Variants in PHACTR3 observed in about 807,000 individuals in gnomAD.
The protein encoded by PHACTR3 is protein phosphatase 1, regulatory subunit 123.
PHACTR3 carries 16 observed loss-of-function variants against 66.8 expected under a neutral mutation model. The ratio of observed to expected loss-of-function variants is 0.24; its 90% CI spans 0.16 to 0.36. PHACTR3 has a LOEUF of 0.36. Ranked by LOEUF, PHACTR3 falls within the 10% of genes least tolerant of loss-of-function variation. The pLI, the probability that PHACTR3 is intolerant of heterozygous loss-of-function variation, is 1.00. For missense variants in PHACTR3, 647 were observed against 719.9 expected (o/e 0.90, Z 1.16); for synonymous variants, 323 against 292.1 (o/e 1.11, Z -1.08).
At chr20:59,722,633 G>T (rs923706153) in intron 1 of PHACTR3, among the ~76,000 whole-genome samples, 4 of 152,128 alleles carry the variant, frequency 2.6e-5, no homozygotes, top group Admixed American at 6.5e-5. Flanking sequence ...CTTCCATAAG[G>T]TCAGTGGACC....
At chr20:59,633,907 C>T (rs1362616663) in intron 1 of PHACTR3, among the ~76,000 whole-genome samples, 1 of 152,178 alleles carries the variant, frequency 6.6e-6, no homozygotes, top group Non-Finnish European at 1.5e-5. Flanking sequence ...GACTTTGTAA[C>T]AGATTAACTA....
At chr20:59,689,686 A>G (rs1308660498) in intron 1 of PHACTR3, among the ~76,000 whole-genome samples, 1 of 152,194 alleles carries the variant, frequency 6.6e-6, no homozygotes, top group East Asian at 1.9e-4. Context: ...CAGGGATCCC[A>G]AAGTGGTAAT....
intron 1 of PHACTR3, chr20:59,628,809 C>G: frequency 1.0e-6 from 1 of 985,284 alleles, no homozygotes; most frequent in Non-Finnish European, 1.2e-6. Context: ...CTGGGAAGAG[C>G]CACGGAGGTT....
At chr20:59,698,030 G>A (rs1387158292) in intron 1 of PHACTR3, among the ~76,000 whole-genome samples, 1 of 152,138 alleles carries the variant, frequency 6.6e-6, no homozygotes, top group East Asian at 1.9e-4. Flanking sequence ...AGGAGGCTTG[G>A]ACCAGGATGT....
intron 1 of PHACTR3, among the ~76,000 whole-genome samples, chr20:59,580,067 C>G (rs1472142960): frequency 6.6e-6 from 1 of 152,078 alleles, no homozygotes; most frequent in Non-Finnish European, 1.5e-5. Context: ...GGTGGTTGTT[C>G]TGGAGGCTCC....
chr20:59,822,895 A>T (rs1274124060), intron 8 of PHACTR3, among the ~76,000 whole-genome samples: 3 of 152,102 alleles, frequency 2.0e-5, no homozygotes, highest in Non-Finnish European at 4.4e-5. Context: ...AGCCACAGGG[A>T]GGAGTGCATG....
At position 59,836,441 on chromosome 20, in the gene PHACTR3, A is replaced by AC. The variant is rs771912387; in HGVS notation, c.1329-60dup. 3.6e-5 allele frequency: 55 copies of AC among 1,523,320 alleles called. 1 individual carries two copies. The highest frequency in any genetic ancestry group is 4.7e-5 in the Non-Finnish European group (53 of 1,120,094). 94.4% of individuals were successfully genotyped at this position (1,523,320 alleles called of 1,614,324 possible). ...TGCCAGCCACCTCTCATCCTTGCAG[A>AC]CCCCAGGTGGAATTTGCAGGCAGCC... On this transcript the variant is annotated intron_variant, in intron 8 of 12. Transcript: ENST00000371015.
intron 1 of PHACTR3, among the ~76,000 whole-genome samples, chr20:59,642,366 G>A (rs1600989988): frequency 6.6e-6 from 1 of 151,282 alleles, no homozygotes. Flanking sequence ...TGAAAATTCA[G>A]AATACATAGG....
At chr20:59,647,564 A>C (rs2035323824) in intron 1 of PHACTR3, among the ~76,000 whole-genome samples, 1 of 152,138 alleles carries the variant, frequency 6.6e-6, no homozygotes, top group African/African-American at 2.4e-5. Context: ...GTGGGGGTAC[A>C]GTCCTCTTCA....
At chr20:59,720,926 GTGGGTGTCAGGCACCGTGGATTTCTGTAC>G (rs201947368) in intron 1 of PHACTR3, among the ~76,000 whole-genome samples, 14,406 of 152,196 alleles carry the variant, frequency 0.095, 2,116 homozygotes, top group African/African-American at 0.32. Flanking sequence ...GATTTCTGTA[GTGGGTGTCAGGCACCGTGGATTTCTGTAC>G]TGGGTGTCAG....
At position 59,730,966 on chromosome 20, in the gene PHACTR3, AAC is replaced by A. The variant is rs572183246; in HGVS notation, c.119-12137_119-12136del. ...AAGTGAGTGAGGGACGCATTTTCAA[AAC>A]ACAAATCTGTTGGCTTAAAGTCTTC... On this transcript the variant is annotated intron_variant, in intron 1 of 12. Transcript: ENST00000371015. 9.3e-4 allele frequency among the ~76,000 whole-genome samples: 141 copies of A among 152,234 alleles called. 1 individual carries two copies. The highest frequency in any genetic ancestry group is 4.8e-3 in the South Asian group (23 of 4,802).
rs183710008 is a variant in PHACTR3 at position 59,791,760 on chromosome 20, C to A, written c.1175-14281C>A. ...CCACCCCCCACCCCACAACAGGCCC[C>A]GGTGTGTGATGGTCCTGTTCCTGTG... On this transcript the variant is annotated intron_variant, in intron 7 of 12. Transcript: ENST00000371015. Among the ~76,000 whole-genome samples, 512 of 129,382 alleles carry A rather than the reference C, an allele frequency of 4.0e-3. 2 individuals are homozygous for A. Among genetic ancestry groups the A allele is most frequent in the Non-Finnish European group, 6.7e-3 (413 of 61,788 alleles). The allele number at this position is 129,382 out of a possible 152,430, so 84.9% of individuals were successfully genotyped here. A position where few individuals can be genotyped will look rare whatever the true frequency, so the allele number is the denominator to read the frequency against.
At chr20:59,682,407 C>T (rs11699187) in intron 1 of PHACTR3, among the ~76,000 whole-genome samples, 4,297 of 152,264 alleles carry the variant, frequency 0.028, 80 homozygotes, top group Middle Eastern at 0.065. Flanking sequence ...CCAAAGTCTG[C>T]GGGGTCCCTA....
rs1006780472 is a variant in PHACTR3, at chr20:59,725,970, T to C, written c.119-17137T>C. ...AGTATCCGCTTGGGGTCAGGCCATG[T>C]GGATCCAGTGTTCTACTCCGATCCT... On this transcript the variant is annotated intron_variant, in intron 1 of 12. Coordinates refer to ENST00000371015, the MANE Select transcript of PHACTR3 (RefSeq NM_080672.5). 2.0e-5 allele frequency among the ~76,000 whole-genome samples: 3 copies of C among 152,150 alleles called. 1 individual carries two copies. The highest frequency in any genetic ancestry group is 4.4e-5 in the Non-Finnish European group (3 of 68,024).
chr20:59,589,102 G>A (rs1416835528), intron 1 of PHACTR3, among the ~76,000 whole-genome samples: 2 of 152,216 alleles, frequency 1.3e-5, no homozygotes, highest in African/African-American at 4.8e-5. Flanking sequence ...CAGGGTCCGT[G>A]ACCGCAAACT....
chr20:59,803,422 A>G (rs1229347691), intron 7 of PHACTR3, among the ~76,000 whole-genome samples: 1 of 152,110 alleles, frequency 6.6e-6, no homozygotes, highest in East Asian at 1.9e-4. Flanking sequence ...TTTCTAAGCA[A>G]TGACTTCTTT....
At chr20:59,636,665 C>A (rs187873027) in intron 1 of PHACTR3, among the ~76,000 whole-genome samples, 4 of 152,218 alleles carry the variant, frequency 2.6e-5, no homozygotes, top group Admixed American at 2.6e-4. Flanking sequence ...AGGATATTTA[C>A]CTTGAGGTTG....
chr20:59,652,830 A>G (rs1262886605), intron 1 of PHACTR3, among the ~76,000 whole-genome samples: 3 of 152,052 alleles, frequency 2.0e-5, no homozygotes, highest in Non-Finnish European at 4.4e-5. Flanking sequence ...CATCACAATC[A>G]TTGAGTGAAA....
At chr20:59,798,964 A>G (rs547569441) in intron 7 of PHACTR3, among the ~76,000 whole-genome samples, 1 of 152,038 alleles carries the variant, frequency 6.6e-6, no homozygotes, top group South Asian at 2.1e-4. Context: ...TTTCCCTGTT[A>G]CCATTATTTT....
Sources: gnomAD v4.1 joint callset for allele counts (sites outside exome capture counted in the v4.1 genomes callset) on GRCh38, gnomAD v4.1.1 for gene constraint, MANE v1.5 for transcripts, NCBI Gene and HGNC (gene_info 2026-07-23, HGNC 2026-07-21) for gene names.